The following CLK2 variants were observed in gnomAD, a reference collection of about 807,000 sequenced individuals.
The protein encoded by CLK2 is dual specificity protein kinase CLK2.
Under a neutral mutation model 73.5 loss-of-function variants are expected in CLK2, and 12 were observed. The ratio of observed to expected loss-of-function variants is 0.16; its 90% CI spans 0.10 to 0.26. The LOEUF is 0.26. Ranked by LOEUF, CLK2 falls within the 10% of genes least tolerant of loss-of-function variation. CLK2 has a pLI of 1.00. For missense variants in CLK2, 509 were observed against 688.4 expected (o/e 0.74, Z 2.92); for synonymous variants, 232 against 237.9 (o/e 0.98, Z 0.23).
At chr1:155,267,878 T>C (rs4971071) in intron 6 of CLK2, 132 bp downstream of exon 6, 27,322 of 702,576 alleles carry the variant, frequency 0.039, 693 homozygotes, top group Non-Finnish European at 0.046. Context: ...TCTACTACTC[T>C]AAGATGATGA....
chr1:155,270,549 G>A (rs984239777), intron 2 of CLK2, among the ~76,000 whole-genome samples: 1 of 150,500 alleles, frequency 6.6e-6, no homozygotes, highest in Non-Finnish European at 1.5e-5. Context: ...ATATACAGAT[G>A]TTGCTTTCTC....
chr1:155,264,107 C>G, intron 11 of CLK2, 67 bp from the exon 12 acceptor site: 1 of 1,546,154 alleles, frequency 6.5e-7, no homozygotes, highest in East Asian at 2.2e-5. Flanking sequence ...ATTTCCCCAT[C>G]TGAAAGTAAC....
Position 155,268,810 on chromosome 1 carries a change from G to A in CLK2, c.400-15C>T. The A allele has an allele frequency of 1.2e-6, 2 of 1,606,518 alleles. No homozygotes were observed. Among genetic ancestry groups the A allele is most frequent in the Non-Finnish European group, 8.5e-7 (1 of 1,176,764 alleles). Reference sequence around the variant, plus strand: ...CTGCTGTGCTGCTGTCGGGGGGCAGGGGGGGTCGGAGCAAGCCAGGTGTCG... The same window carrying A: ...CTGCTGTGCTGCTGTCGGGGGGCAGAGGGGGTCGGAGCAAGCCAGGTGTCG... On this transcript the variant is annotated splice_polypyrimidine_tract_variant and intron_variant, in intron 3 of 12. Transcript: ENST00000368361. The surrounding 1 kb of genome is among the most constrained non-coding windows in gnomAD (Gnocchi z 5.6).
chr1:155,269,301 T>C (rs1673381982), intron 3 of CLK2, 187 bp downstream of exon 3: 2 of 617,240 alleles, frequency 3.2e-6, no homozygotes, highest in African/African-American at 1.8e-5. Flanking sequence ...TCCGTGCCCA[T>C]CCATCTCCAA....
intron 12 of CLK2, chr1:155,263,629 C>T (rs1673091440): frequency 2.0e-6 from 2 of 985,026 alleles, no homozygotes; most frequent in East Asian, 1.1e-4. Context: ...CTTGTATATC[C>T]TTGTCAACTT....
intron 1 of CLK2, among the ~76,000 whole-genome samples, chr1:155,271,623 T>C (rs906287872): frequency 1.3e-5 from 2 of 152,212 alleles, no homozygotes; most frequent in East Asian, 3.8e-4. Flanking sequence ...TGACGACCGA[T>C]GGAGACTGCC....
chr1:155,265,882 T>C lies in CLK2; in HGVS notation c.911A>G (p.Glu304Gly). 1.2e-6 allele frequency: 2 copies of C among 1,610,936 alleles called. No homozygotes were observed. Among genetic ancestry groups the C allele is most frequent in the Non-Finnish European group, 1.7e-6 (2 of 1,177,112 alleles). ...TACCTTCTCTAGGTTGTAGGTGAGC[T>C]CATAGTCTGAATTCACAAACAGAAT... ...ENILFVNSDY[E>G]LTYNLEKKRD... The change falls in exon 8 of 13, where the codon GAG becomes GGG. Residue 304 changes from glutamate to glycine, a missense_variant. Glu to Gly is a moderately conservative substitution (Grantham distance 98). Around this residue, in one of 6 missense-constraint regions of CLK2, gnomAD observed 48 missense variants for 144.9 expected, o/e 0.33. Coordinates refer to ENST00000368361, the MANE Select transcript of CLK2 (RefSeq NM_001294338.2).
intron 1 of CLK2, 85 bp from the exon 2 acceptor site, chr1:155,271,062 GCTGCTTTCCCCTCTTATTT>G (rs1267541634): frequency 8.0e-6 from 11 of 1,374,018 alleles, no homozygotes; most frequent in Non-Finnish European, 1.1e-5. Flanking sequence ...AAGATGCTAA[GCTGCTTTCCCCTCTTATTT>G]CTGCCTCTTT....
At chr1:155,266,916 AG>A (rs373057439) in intron 6 of CLK2, 21 bp from the exon 7 acceptor site, 10 of 1,611,988 alleles carry the variant, frequency 6.2e-6, no homozygotes, top group Non-Finnish European at 7.6e-6. Flanking sequence ...AGATGGGGGA[AG>A]GGGGGTTGTC....
Position 155,268,215 on chromosome 1 carries a change from A to G in CLK2, c.554+78T>C, listed in dbSNP as rs1178285709. Reference sequence around the variant, plus strand: ...TAGGGGGACTAAGAAATTCTACCTCAGGTTAATTAGCAAAAAAGCCCCATA... The same window carrying G: ...TAGGGGGACTAAGAAATTCTACCTCGGGTTAATTAGCAAAAAAGCCCCATA... On this transcript the variant is annotated intron_variant, in intron 5 of 12. Transcript: ENST00000368361. This position sits in a 1 kb window ranked among gnomAD's most constrained non-coding sequence, Gnocchi z 5.6. 5.1e-6 allele frequency: 8 copies of G among 1,553,564 alleles called. No individual in the cohort carries two copies. In the East Asian group the frequency reaches 1.8e-4, roughly 35 times the overall value.
chr1:155,263,070 AT>A lies in CLK2; in HGVS notation c.*147del. On this transcript the variant is annotated 3_prime_UTR_variant, in exon 13 of 13. Coordinates refer to ENST00000368361, the MANE Select transcript of CLK2 (RefSeq NM_001294338.2). ...AAGTGATAGGTACAAGTTCTTTCATATTTACACTATTTCACATATTCACAGG... is the reference window on the plus strand; with the variant it reads ...AAGTGATAGGTACAAGTTCTTTCATATTACACTATTTCACATATTCACAGG... 5.4e-6 allele frequency: 4 copies of A among 738,792 alleles called. No homozygotes were observed. Among genetic ancestry groups the A allele is most frequent in the Non-Finnish European group, 8.6e-6 (4 of 466,176 alleles). 45.8% of individuals were successfully genotyped at this position (738,792 alleles called of 1,614,324 possible).
chr1:155,266,971 C>T, intron 6 of CLK2, 76 bp from the exon 7 acceptor site: 1 of 1,506,596 alleles, frequency 6.6e-7, no homozygotes, highest in Middle Eastern at 1.7e-4. Context: ...CAAGGAGGTA[C>T]TTCATAGCTG....
chr1:155,265,962 G>C lies in CLK2; in HGVS notation c.839-8C>G, dbSNP rs201747409. ...GCTTGTTATCATGGAGGACTGTAGG[G>C]GAGAAGGCCAGGTCAGGCTTGGTGC... On this transcript the variant is annotated splice_polypyrimidine_tract_variant and splice_region_variant and intron_variant, in intron 7 of 12. Transcript: ENST00000368361. 6.3e-7 allele frequency: 1 copy of C among 1,598,388 alleles called. No homozygotes were observed. The highest frequency in any genetic ancestry group is 2.2e-5 in the East Asian group (1 of 44,778).
Position 155,268,277 on chromosome 1 carries a change from A to AG in CLK2, c.554+15dup. 6.2e-7 allele frequency: 1 copy of AG among 1,613,160 alleles called. No individual in the cohort carries two copies. The highest frequency in any genetic ancestry group is 8.5e-7 in the Non-Finnish European group (1 of 1,179,048). On this transcript the variant is annotated intron_variant, in intron 5 of 12. Transcript: ENST00000368361. The surrounding 1 kb of genome is among the most constrained non-coding windows in gnomAD (Gnocchi z 5.6). ...ATCTCTTTAGCCCCACATAGTAGGGAGGGACTGACAGTTACCTGCGATGGT... is the reference window on the plus strand; with the variant it reads ...ATCTCTTTAGCCCCACATAGTAGGGAGGGGACTGACAGTTACCTGCGATGGT...
chr1:155,264,664 T>C lies in CLK2; in HGVS notation c.1044A>G (p.Arg348=). Residue 348 remains arginine (R), a synonymous_variant, in exon 9 of 13, where the codon CGA becomes CGG. Coordinates refer to ENST00000368361, the MANE Select transcript of CLK2 (RefSeq NM_001294338.2). ...HSTIVSTRHY[R]APEVILELGW... ...CCTTACCAAGGATGACTTCTGGTGC[T>C]CGGTAATGGCGAGTGGAGACAATGG... 1 of 1,614,178 alleles carries C rather than the reference T, an allele frequency of 6.2e-7. No individual in the cohort carries two copies. Among genetic ancestry groups the C allele is most frequent in the Non-Finnish European group, 8.5e-7 (1 of 1,180,028 alleles).
At chr1:155,271,773 G>C (rs1365114433) in intron 1 of CLK2, among the ~76,000 whole-genome samples, 3 of 152,138 alleles carry the variant, frequency 2.0e-5, no homozygotes, top group Non-Finnish European at 4.4e-5. Flanking sequence ...TCCTCAAGTA[G>C]ACTATCAGTG....
At chr1:155,265,059 CAT>C (rs1673162491) in intron 8 of CLK2, among the ~76,000 whole-genome samples, 1 of 152,092 alleles carries the variant, frequency 6.6e-6, no homozygotes, top group Non-Finnish European at 1.5e-5. Flanking sequence ...AAACATGTAA[CAT>C]GTAGCAAATG....
rs182880461 is a variant in CLK2 at position 155,270,344 on chromosome 1, C to T, written c.170+464G>A. On this transcript the variant is annotated intron_variant, in intron 2 of 12. Transcript: ENST00000368361. ...CTGAGATCTTGCCACTGCACTCCAG[C>T]CTGGGCAACAGAGTGAAACTCTGTC... 3.7e-3 allele frequency among the ~76,000 whole-genome samples: 566 copies of T among 152,256 alleles called. 2 individuals are homozygous for T. The highest frequency in any genetic ancestry group is 0.032 in the South Asian group (154 of 4,822).
chr1:155,272,095 T>G (rs1673541412), intron 1 of CLK2, among the ~76,000 whole-genome samples: 1 of 149,232 alleles, frequency 6.7e-6, no homozygotes, highest in African/African-American at 2.5e-5. Context: ...CGGCTCACCA[T>G]AACCTCCGCC....
Sources: gnomAD v4.1 joint callset for allele counts (sites outside exome capture counted in the v4.1 genomes callset) on GRCh38, gnomAD v4.1.1 for gene constraint, gnomAD v4.1.1 regional missense constraint, Gnocchi (gnomAD v3.1) non-coding constraint, MANE v1.5 for transcripts, NCBI Gene and HGNC (gene_info 2026-07-23, HGNC 2026-07-21) for gene names.